The following DIAPH2 variants were observed in gnomAD, a reference collection of about 807,000 sequenced individuals.
DIAPH2 encodes the protein protein diaphanous homolog 2.
DIAPH2 carries 35 observed loss-of-function variants against 92.7 expected under a neutral mutation model. That is an observed-to-expected ratio of 0.38 (90% confidence interval 0.29 to 0.50). The LOEUF is 0.50. DIAPH2 is among the 20% of genes least tolerant of loss of function. DIAPH2 has a pLI of 0.94. For synonymous variants in DIAPH2, 301 were observed against 280.4 expected (o/e 1.07, Z -0.73); for missense variants, 701 against 819.5 (o/e 0.86, Z 1.77).
At position 97,591,387 on chromosome X, in the gene DIAPH2, G is replaced by A. The variant is rs781173247; in HGVS notation, c.3242-7866G>A. On this transcript the variant is annotated intron_variant, in intron 26 of 26. Coordinates refer to ENST00000324765, the MANE Select transcript of DIAPH2 (RefSeq NM_006729.5). ...ACCCTCATAATGTGCAAGGGTGCCT[G>A]TTAAGGTACCCTGCAGATAGCTTAT... 1.5e-3 allele frequency among the ~76,000 whole-genome samples: 171 copies of A among 112,344 alleles called. 1 individual carries two copies. The highest frequency in any genetic ancestry group is 5.4e-3 in the African/African-American group (167 of 30,982).
intron 4 of DIAPH2, among the ~76,000 whole-genome samples, chrX:96,771,488 A>G (rs921045142): frequency 2.7e-5 from 3 of 111,684 alleles, no homozygotes; most frequent in Admixed American, 9.5e-5. Context: ...TTTACTAACA[A>G]TGGAAAAAAT....
intron 4 of DIAPH2, among the ~76,000 whole-genome samples, chrX:96,783,917 T>C (rs1285639980): frequency 8.9e-6 from 1 of 112,178 alleles, no homozygotes; most frequent in Admixed American, 9.5e-5. Flanking sequence ...CCCAGGCATA[T>C]CTATAGCAGA....
intron 26 of DIAPH2, among the ~76,000 whole-genome samples, chrX:97,510,440 T>G (rs1430260271): frequency 1.8e-5 from 2 of 111,536 alleles, no homozygotes; most frequent in Admixed American, 9.5e-5. Context: ...TTGCGAAAAT[T>G]TTCTCCCATT....
intron 26 of DIAPH2, among the ~76,000 whole-genome samples, chrX:97,569,156 C>CATAT (rs1196609510): frequency 9.0e-6 from 1 of 111,408 alleles, no homozygotes; most frequent in Non-Finnish European, 1.9e-5. Flanking sequence ...AAACACATAC[C>CATAT]ATATATAAAT....
chrX:97,089,876 C>A (rs888743488), intron 19 of DIAPH2, among the ~76,000 whole-genome samples: 1 of 110,314 alleles, frequency 9.1e-6, no homozygotes, highest in Admixed American at 9.7e-5. Flanking sequence ...TACAGGTGCC[C>A]GCCACCATGC....
rs770718285 is a variant in DIAPH2, at chrX:96,964,995, TA to T, written c.1936-95del. The T allele has an allele frequency of 2.5e-4, 230 of 902,574 alleles. 1 individual carries two copies. Among genetic ancestry groups the T allele is most frequent in the Non-Finnish European group, 3.1e-4 (213 of 676,474 alleles). The allele number at this position is 902,574 out of a possible 1,213,427, so 74.4% of individuals were successfully genotyped here. On this transcript the variant is annotated intron_variant, in intron 16 of 26. Transcript: ENST00000324765. ...GAAATTGACTTAGAGGATAGAGGAA[TA>T]AAGGAACTGTCATTCAACCTTGCTG...
intron 26 of DIAPH2, among the ~76,000 whole-genome samples, chrX:97,465,480 A>G (rs2070503631): frequency 1.8e-5 from 2 of 111,744 alleles, no homozygotes; most frequent in African/African-American, 6.5e-5. Context: ...TAGCATTAAC[A>G]TTTTATTAGG....
rs763920659 is a variant in DIAPH2 at position 97,171,465 on chromosome X, G to A, written c.2719+29671G>A. The stretch of plus-strand genomic sequence containing the variant: ...GCAAACCTTATCATACATACAGAGG[G>A]CTTAGGAATAGTTGTCCACGTTGCA... On this transcript the variant is annotated intron_variant, in intron 22 of 26. Transcript: ENST00000324765. Among the ~76,000 whole-genome samples, 4 of 111,728 alleles carry A rather than the reference G, an allele frequency of 3.6e-5. No homozygotes were observed. In the South Asian group the frequency reaches 1.5e-3, roughly 42 times the overall value.
chrX:97,237,785 G>C, intron 22 of DIAPH2, among the ~76,000 whole-genome samples: 1 of 110,308 alleles, frequency 9.1e-6, no homozygotes, highest in Middle Eastern at 4.7e-3. Flanking sequence ...GTTTCACCTT[G>C]TTAGCCAGGA....
intron 25 of DIAPH2, among the ~76,000 whole-genome samples, chrX:97,389,000 C>A (rs767824928): frequency 9.0e-6 from 1 of 111,332 alleles, no homozygotes; most frequent in African/African-American, 3.3e-5. Context: ...TTCTGGAAAA[C>A]TTCACGATAC....
At chrX:96,912,178 C>A in intron 5 of DIAPH2, 150 bp from the exon 6 acceptor site, 1 of 487,632 alleles carries the variant, frequency 2.1e-6, no homozygotes. Context: ...CTCATAGAGT[C>A]AATACTTGAA....
intron 25 of DIAPH2, among the ~76,000 whole-genome samples, chrX:97,385,085 T>A (rs926577505): frequency 1.8e-5 from 2 of 110,316 alleles, no homozygotes; most frequent in Non-Finnish European, 3.8e-5. Context: ...TTAGAGAATT[T>A]AGGAACAAAA....
intron 26 of DIAPH2, among the ~76,000 whole-genome samples, chrX:97,543,887 A>G (rs979199188): frequency 8.9e-6 from 1 of 111,754 alleles, no homozygotes; most frequent in Non-Finnish European, 1.9e-5. Flanking sequence ...ATGTCTCTAC[A>G]TATTTTGACT....
intron 5 of DIAPH2, among the ~76,000 whole-genome samples, chrX:96,898,009 A>G (rs1380631372): frequency 1.1e-5 from 1 of 88,849 alleles, no homozygotes; most frequent in African/African-American, 4.1e-5. Context: ...GTTTACTGAG[A>G]ATGATGATTT....
chrX:97,051,204 T>G (rs1038909756), intron 17 of DIAPH2, among the ~76,000 whole-genome samples: 1 of 111,579 alleles, frequency 9.0e-6, no homozygotes, highest in African/African-American at 3.2e-5. Flanking sequence ...CAATCTCCCT[T>G]GCCAGGGCTA....
At chrX:97,402,294 A>G (rs1347524799) in intron 25 of DIAPH2, among the ~76,000 whole-genome samples, 1 of 110,441 alleles carries the variant, frequency 9.1e-6, no homozygotes, top group Admixed American at 9.7e-5. Context: ...TTAAGTAGCA[A>G]TGTCCCTGTA....
chrX:97,184,288 T>G (rs1367165467), intron 22 of DIAPH2, among the ~76,000 whole-genome samples: 2 of 112,259 alleles, frequency 1.8e-5, no homozygotes, highest in African/African-American at 6.5e-5. Context: ...CTGTGTTTTA[T>G]ATCATGTGGT....
chrX:97,019,876 G>A (rs1384721955), intron 17 of DIAPH2, among the ~76,000 whole-genome samples: 3 of 112,089 alleles, frequency 2.7e-5, no homozygotes, highest in South Asian at 3.7e-4. Flanking sequence ...TGTTAGTGAA[G>A]TTATAAAAAT....
intron 26 of DIAPH2, among the ~76,000 whole-genome samples, chrX:97,438,363 T>TG (rs2070215330): frequency 1.3e-5 from 1 of 74,431 alleles, no homozygotes; most frequent in African/African-American, 5.2e-5. Context: ...TTGTTTGTTT[T>TG]TTTTTTTTTT....
Sources: gnomAD v4.1 joint callset for allele counts (sites outside exome capture counted in the v4.1 genomes callset) on GRCh38, gnomAD v4.1.1 for gene constraint, MANE v1.5 for transcripts, NCBI Gene and HGNC (gene_info 2026-07-23, HGNC 2026-07-21) for gene names.